The following FHIT variants were observed in gnomAD, a reference collection of about 807,000 sequenced individuals.
FHIT encodes fragile histidine triad diadenosine triphosphatase.
FHIT carries 19 observed loss-of-function variants against 17.9 expected under a neutral mutation model. That is an observed-to-expected ratio of 1.06 (90% CI 0.74 to 1.56). The LOEUF (loss-of-function observed/expected upper bound fraction) is 1.56. Among genes scored for constraint, FHIT ranks in the 40% most tolerant of loss-of-function variants. The probability of loss-of-function intolerance (pLI) is 0.00; values close to 1 mark genes in which losing one functional copy is unlikely to be tolerated. For missense variants in FHIT, 248 were observed against 189.2 expected (o/e 1.31, Z -1.82); for synonymous variants, 81 against 69.7 (o/e 1.16, Z -0.81).
intron 5 of FHIT, among the ~76,000 whole-genome samples, chr3:60,084,961 A>C (rs145927919): frequency 1.6e-3 from 237 of 152,182 alleles, no homozygotes; most frequent in African/African-American, 5.6e-3. Context: ...GGCAGAGACC[A>C]TGTCTTCTTT....
intron 8 of FHIT, among the ~76,000 whole-genome samples, chr3:59,916,848 T>C (rs1705157174): frequency 1.3e-5 from 2 of 152,246 alleles, no homozygotes; most frequent in South Asian, 2.1e-4. Context: ...GAAGAACATA[T>C]CAAGTTGTTA....
intron 2 of FHIT, among the ~76,000 whole-genome samples, chr3:61,100,983 CA>C (rs1470085742): frequency 1.3e-5 from 2 of 152,092 alleles, no homozygotes; most frequent in African/African-American, 4.8e-5. Flanking sequence ...GAATAGATTG[CA>C]AAAAATTTCC....
chr3:60,697,872 G>C (rs1553701068), intron 4 of FHIT, among the ~76,000 whole-genome samples: 1 of 151,862 alleles, frequency 6.6e-6, no homozygotes, highest in Non-Finnish European at 1.5e-5. Flanking sequence ...AAACAAATCT[G>C]GAAAAAAAAT....
At chr3:61,147,624 G>A (rs530467453) in intron 2 of FHIT, among the ~76,000 whole-genome samples, 12 of 151,668 alleles carry the variant, frequency 7.9e-5, no homozygotes, top group Middle Eastern at 3.4e-3. Flanking sequence ...AAAAAAATTC[G>A]ATCAAGATTT....
intron 8 of FHIT, among the ~76,000 whole-genome samples, chr3:59,818,904 T>C (rs902761753): frequency 4.6e-5 from 7 of 152,216 alleles, no homozygotes; most frequent in Non-Finnish European, 8.8e-5. Context: ...CTCTTCAGCA[T>C]GGATATGACA....
At chr3:61,061,218 T>C (rs7653382) in intron 2 of FHIT, among the ~76,000 whole-genome samples, 84,491 of 151,958 alleles carry the variant, frequency 0.56, 24,555 homozygotes, top group Non-Finnish European at 0.65. Flanking sequence ...TGAAACATTT[T>C]CCCCCCTCCT....
At chr3:60,795,034 G>A (rs1319844991) in intron 4 of FHIT, among the ~76,000 whole-genome samples, 1 of 152,092 alleles carries the variant, frequency 6.6e-6, no homozygotes, top group Non-Finnish European at 1.5e-5. Context: ...AGTTATGTAT[G>A]ACACATACAC....
chr3:60,046,105 T>A (rs1308561343), intron 5 of FHIT, among the ~76,000 whole-genome samples: 1 of 152,214 alleles, frequency 6.6e-6, no homozygotes, highest in Non-Finnish European at 1.5e-5. Context: ...ATATGAATAC[T>A]TCTAGGCAGG....
chr3:60,951,584 G>A (rs1553777246), intron 3 of FHIT, among the ~76,000 whole-genome samples: 3 of 152,270 alleles, frequency 2.0e-5, no homozygotes, highest in South Asian at 2.1e-4. Context: ...GACACCTAAC[G>A]ACCTTCATCA....
In FHIT at chr3:60,165,877, C is replaced by T. The variant is rs74962913; in HGVS notation, c.104-151725G>A. The stretch of plus-strand genomic sequence containing the variant: ...TTTCAGGGCTGTGTGTGTATATTTA[C>T]GTGTGAAACATAAATAGGATCGTGA... On this transcript the variant is annotated intron_variant, in intron 5 of 9. Coordinates refer to ENST00000492590, the MANE Select transcript of FHIT (RefSeq NM_002012.4). 4.0e-3 allele frequency among the ~76,000 whole-genome samples: 608 copies of T among 152,208 alleles called. 9 individuals are homozygous for T. Among genetic ancestry groups the T allele is most frequent in the East Asian group, 0.037 (191 of 5,182 alleles).
At chr3:60,436,152 A>G (rs1331580739) in intron 5 of FHIT, among the ~76,000 whole-genome samples, 1 of 152,048 alleles carries the variant, frequency 6.6e-6, no homozygotes, top group African/African-American at 2.4e-5. Flanking sequence ...GGCTCAAGCA[A>G]TTCTTCTGCC....
chr3:60,497,584 G>A (rs928259911), intron 5 of FHIT, among the ~76,000 whole-genome samples: 13 of 152,084 alleles, frequency 8.5e-5, no homozygotes, highest in African/African-American at 2.9e-4. Flanking sequence ...TTCAGTGTTT[G>A]TTCTACACAG....
intron 5 of FHIT, among the ~76,000 whole-genome samples, chr3:60,157,953 G>C (rs1484637694): frequency 1.3e-5 from 2 of 152,130 alleles, no homozygotes; most frequent in Non-Finnish European, 1.5e-5. Context: ...GTAGCAATTG[G>C]TGCTCTTTGC....
intron 5 of FHIT, among the ~76,000 whole-genome samples, chr3:60,176,525 A>G (rs1459562191): frequency 2.0e-5 from 3 of 152,206 alleles, no homozygotes; most frequent in African/African-American, 7.2e-5. Context: ...TACTTCTCAA[A>G]CTTTAAGGCT....
At chr3:59,840,576 C>G (rs977651086) in intron 8 of FHIT, among the ~76,000 whole-genome samples, 1 of 152,104 alleles carries the variant, frequency 6.6e-6, no homozygotes, top group African/African-American at 2.4e-5. Context: ...TAAGCAAGCA[C>G]GCAGGAATGG....
chr3:60,305,975 C>A (rs908756638), intron 5 of FHIT, among the ~76,000 whole-genome samples: 2 of 152,052 alleles, frequency 1.3e-5, no homozygotes, highest in South Asian at 2.1e-4. Flanking sequence ...TTATAAAGGT[C>A]ACAACAACTA....
At chr3:60,007,602 T>C (rs770658214) in intron 7 of FHIT, among the ~76,000 whole-genome samples, 4 of 152,158 alleles carry the variant, frequency 2.6e-5, no homozygotes, top group Non-Finnish European at 5.9e-5. Flanking sequence ...TGTAACACAA[T>C]ACAGATTAAC....
chr3:59,938,872 C>T (rs1706370631), intron 7 of FHIT, among the ~76,000 whole-genome samples: 1 of 152,132 alleles, frequency 6.6e-6, no homozygotes, highest in Admixed American at 6.5e-5. Context: ...CCGATTAGGA[C>T]AATGAGCCCC....
chr3:60,991,585 T>C (rs944373562), intron 3 of FHIT, among the ~76,000 whole-genome samples: 1 of 152,138 alleles, frequency 6.6e-6, no homozygotes, highest in African/African-American at 2.4e-5. Context: ...ATTAAGAACA[T>C]AGTGCTAGTC....
Sources: allele counts gnomAD v4.1 joint callset (sites outside exome capture counted in the v4.1 genomes callset), GRCh38; gene constraint gnomAD v4.1.1; transcripts MANE v1.5; gene names NCBI Gene and HGNC (gene_info 2026-07-23, HGNC 2026-07-21).